Variants in USP6NL observed in about 807,000 individuals in gnomAD.
USP6NL encodes USP6 N-terminal-like protein.
In USP6NL, 26 loss-of-function variants were observed where a neutral mutation model predicts 61.9. The observed-to-expected ratio is 0.42, with a 90% confidence interval of 0.31 to 0.58. USP6NL has a LOEUF of 0.58. Ranked by LOEUF, USP6NL falls within the 20% of genes least tolerant of loss-of-function variation. The pLI is 0.16. For synonymous variants in USP6NL, 432 were observed against 390.1 expected, an observed-to-expected ratio of 1.11 and a Z score of -1.27; for missense variants, 1,114 against 1,034.3, an observed-to-expected ratio of 1.08 and a Z score of -1.06.
At position 11,587,323 on chromosome 10, in the gene USP6NL, T is replaced by C. The variant is rs891399102; in HGVS notation, c.4+10308A>G. ...TTTAAGAAATTAATTTATAGTATCATGTGTCTCAAAGTTGTCTAACTTTGA... is the reference window on the plus strand; with the variant it reads ...TTTAAGAAATTAATTTATAGTATCACGTGTCTCAAAGTTGTCTAACTTTGA... On this transcript the variant is annotated intron_variant, in intron 2 of 14. Coordinates refer to ENST00000609104, the MANE Select transcript of USP6NL (RefSeq NM_014688.5). The surrounding 1 kb of genome is among the most constrained non-coding windows in gnomAD (Gnocchi z 4.5). Among the ~76,000 whole-genome samples the C allele has an allele frequency of 2.6e-5, 4 of 152,194 alleles. No homozygotes were observed. Among genetic ancestry groups the C allele is most frequent in the African/African-American group, 9.6e-5 (4 of 41,454 alleles).
intron 3 of USP6NL, among the ~76,000 whole-genome samples, chr10:11,526,093 T>G (rs961455040): frequency 7.3e-6 from 1 of 136,856 alleles, no homozygotes; most frequent in Non-Finnish European, 1.6e-5. Flanking sequence ...GGTCTCCTCA[T>G]GCTCCATCAA....
intron 2 of USP6NL, among the ~76,000 whole-genome samples, chr10:11,541,029 C>T (rs967932152): frequency 1.3e-5 from 2 of 151,480 alleles, no homozygotes; most frequent in Admixed American, 1.3e-4. Context: ...AAGCACAGTA[C>T]CACAGAATTC....
In USP6NL at chr10:11,493,325, T is replaced by TA. The variant is rs376220184; in HGVS notation, c.385-98dup. On this transcript the variant is annotated intron_variant, in intron 7 of 14. Coordinates refer to ENST00000609104, the MANE Select transcript of USP6NL (RefSeq NM_014688.5). ...AATTCTCATTAAAAAGTTTTTGGTT[T>TA]AAAAAAATCACTCAATGGTTAAAAA... The TA allele has an allele frequency of 1.1e-3, 1,168 of 1,040,578 alleles. 8 individuals carry two copies. The African/African-American group carries it at 0.015, about 14-fold the overall frequency. The allele number at this position is 1,040,578 out of a possible 1,614,324, so 64.5% of individuals were successfully genotyped here. A position where few individuals can be genotyped will look rare whatever the true frequency, so the allele number is the denominator to read the frequency against.
intron 2 of USP6NL, among the ~76,000 whole-genome samples, chr10:11,559,053 C>T (rs543379051): frequency 1.3e-5 from 2 of 152,214 alleles, no homozygotes; most frequent in South Asian, 2.1e-4. Context: ...TTCAAAATAT[C>T]GGAAACAAGA....
Position 11,490,718 on chromosome 10 carries a change from G to T in USP6NL, c.543+114C>A. ...TTAAAAAGATCCACAGAGCTAAAGA[G>T]ACCATGGAGACCACCTAGCTCTGAG... On this transcript the variant is annotated intron_variant, in intron 9 of 14. Coordinates refer to ENST00000609104, the MANE Select transcript of USP6NL (RefSeq NM_014688.5). The surrounding 1 kb of genome is among the most constrained non-coding windows in gnomAD (Gnocchi z 4.5). 9.9e-7 allele frequency: 1 copy of T among 1,014,496 alleles called. No homozygotes were observed. The highest frequency in any genetic ancestry group is 1.5e-6 in the Non-Finnish European group (1 of 687,456). The allele number at this position is 1,014,496 out of a possible 1,614,324, so 62.8% of individuals were successfully genotyped here.
intron 2 of USP6NL, among the ~76,000 whole-genome samples, chr10:11,573,018 A>G (rs1837416410): frequency 6.7e-6 from 1 of 149,916 alleles, no homozygotes; most frequent in Admixed American, 6.7e-5. Flanking sequence ...CATATTCTAG[A>G]CACACGCTAT....
intron 2 of USP6NL, among the ~76,000 whole-genome samples, chr10:11,582,132 C>T (rs1367959835): frequency 2.0e-5 from 3 of 152,170 alleles, no homozygotes; most frequent in African/African-American, 7.2e-5. Flanking sequence ...ACCTGGCTAA[C>T]TTTTTGTATT....
Position 11,555,455 on chromosome 10 carries a change from GAGAGAGAGAGAGAGAA to G in USP6NL, c.5-27904_5-27889del, listed in dbSNP as rs1299256516. The stretch of plus-strand genomic sequence containing the variant: ...AAAAATATATATATATATATATAGA[GAGAGAGAGAGAGAGAA>G]AGAGAGAGAGAGAGAGAGAGAGAAG... On this transcript the variant is annotated intron_variant, in intron 2 of 14. Coordinates refer to ENST00000609104, the MANE Select transcript of USP6NL (RefSeq NM_014688.5). Among the ~76,000 whole-genome samples the G allele has an allele frequency of 2.6e-3, 218 of 83,098 alleles. 1 individual carries two copies. The highest frequency in any genetic ancestry group is 5.1e-3 in the Middle Eastern group (1 of 196). 54.5% of individuals were successfully genotyped at this position (83,098 alleles called of 152,430 possible). A position where few individuals can be genotyped will look rare whatever the true frequency, so the allele number is the denominator to read the frequency against.
chr10:11,562,849 T>C lies in USP6NL; in HGVS notation c.4+34782A>G, dbSNP rs1836993697. On this transcript the variant is annotated intron_variant, in intron 2 of 14. Transcript: ENST00000609104. This position sits in a 1 kb window ranked among gnomAD's most constrained non-coding sequence, Gnocchi z 4.8. ...TAGAAGAATAATAGTAAGGGTCTTTTGGTAGTTTCTTGAAAAAGTAGACAT... is the reference window on the plus strand; with the variant it reads ...TAGAAGAATAATAGTAAGGGTCTTTCGGTAGTTTCTTGAAAAAGTAGACAT... 4.3e-6 allele frequency: 4 copies of C among 925,592 alleles called. No homozygotes were observed. Among genetic ancestry groups the C allele is most frequent in the African/African-American group, 1.8e-5 (1 of 55,974 alleles). 57.3% of individuals were successfully genotyped at this position (925,592 alleles called of 1,614,324 possible). A position where few individuals can be genotyped will look rare whatever the true frequency, so the allele number is the denominator to read the frequency against.
Position 11,574,309 on chromosome 10 carries a change from C to T in USP6NL, c.4+23322G>A, listed in dbSNP as rs1206363004. Among the ~76,000 whole-genome samples the T allele has an allele frequency of 6.6e-6, 1 of 152,214 alleles. No individual in the cohort carries two copies. The highest frequency in any genetic ancestry group is 1.5e-5 in the Non-Finnish European group (1 of 68,036). ...TATAAATTCCTTGTCCTCCTCCTCACATATACACCTCTGACATCCCAGTCC... is the reference window on the plus strand; with the variant it reads ...TATAAATTCCTTGTCCTCCTCCTCATATATACACCTCTGACATCCCAGTCC... On this transcript the variant is annotated intron_variant, in intron 2 of 14. Transcript: ENST00000609104. The surrounding 1 kb of genome is among the most constrained non-coding windows in gnomAD (Gnocchi z 4.3).
chr10:11,493,799 G>A (rs867366636), intron 7 of USP6NL, among the ~76,000 whole-genome samples: 39 of 142,500 alleles, frequency 2.7e-4, no homozygotes, highest in African/African-American at 7.7e-4. Flanking sequence ...CTGTGCGGCC[G>A]GACCTCTGGG....
intron 5 of USP6NL, among the ~76,000 whole-genome samples, chr10:11,514,494 CATT>C (rs1267354818): frequency 6.6e-6 from 1 of 152,126 alleles, no homozygotes. Flanking sequence ...CCATTATCAT[CATT>C]ATTCTTTTTG....
chr10:11,589,776 G>T lies in USP6NL; in HGVS notation c.4+7855C>A, dbSNP rs1231304962. Among the ~76,000 whole-genome samples the T allele has an allele frequency of 6.6e-6, 1 of 152,186 alleles. No individual in the cohort carries two copies. Among genetic ancestry groups the T allele is most frequent in the African/African-American group, 2.4e-5 (1 of 41,452 alleles). ...AATGCCCCACAATATAAATGTTAAT[G>T]AATATCTATTAGTGTCTGACTATAA... On this transcript the variant is annotated intron_variant, in intron 2 of 14. Coordinates refer to ENST00000609104, the MANE Select transcript of USP6NL (RefSeq NM_014688.5). The surrounding 1 kb of genome is among the most constrained non-coding windows in gnomAD (Gnocchi z 4.7).
At chr10:11,579,960 T>TGG (rs78353052) in intron 2 of USP6NL, among the ~76,000 whole-genome samples, 1,423 of 96,862 alleles carry the variant, frequency 0.015, 22 homozygotes, top group Non-Finnish European at 0.023. Context: ...CAGTGGAGAG[T>TGG]GGCGGGGGGG....
At chr10:11,530,262 G>A in intron 2 of USP6NL, among the ~76,000 whole-genome samples, 1 of 152,004 alleles carries the variant, frequency 6.6e-6, no homozygotes, top group Non-Finnish European at 1.5e-5. Context: ...TTTTATACCA[G>A]TCCCTTAATC....
chr10:11,566,572 T>C (rs1476885593), intron 2 of USP6NL, among the ~76,000 whole-genome samples: 1 of 152,208 alleles, frequency 6.6e-6, no homozygotes, highest in East Asian at 1.9e-4. Context: ...GACTAGTAAG[T>C]AGTGGATTCG....
chr10:11,558,912 T>G (rs1836820525), intron 2 of USP6NL, among the ~76,000 whole-genome samples: 1 of 152,206 alleles, frequency 6.6e-6, no homozygotes, highest in Admixed American at 6.5e-5. Flanking sequence ...ATTTGGTAAT[T>G]GCCTAGATGA....
chr10:11,559,528 G>A (rs1203770056), intron 2 of USP6NL, among the ~76,000 whole-genome samples: 1 of 152,002 alleles, frequency 6.6e-6, no homozygotes, highest in Middle Eastern at 3.4e-3. Flanking sequence ...GTCTCGTTTC[G>A]ACCTTTATTA....
Position 11,474,191 on chromosome 10 carries a change from C to A in USP6NL, c.1078+7579G>T, listed in dbSNP as rs1314296750. ...TCTGTAGTTTTTTGCATTAAGGAAT[C>A]TGTTTGTATTTAGAATTTTCTGTGT... On this transcript the variant is annotated intron_variant, in intron 14 of 14. Transcript: ENST00000609104. This position sits in a 1 kb window ranked among gnomAD's most constrained non-coding sequence, Gnocchi z 4.9. Among the ~76,000 whole-genome samples the A allele has an allele frequency of 1.3e-5, 2 of 152,182 alleles. No homozygotes were observed. The highest frequency in any genetic ancestry group is 2.9e-5 in the Non-Finnish European group (2 of 68,022).
Sources: gnomAD v4.1 joint callset for allele counts (sites outside exome capture counted in the v4.1 genomes callset) on GRCh38, gnomAD v4.1.1 for gene constraint, Gnocchi (gnomAD v3.1) non-coding constraint, MANE v1.5 for transcripts, NCBI Gene and HGNC (gene_info 2026-07-23, HGNC 2026-07-21) for gene names.